The following STK32B variants were observed in gnomAD, a reference collection of about 807,000 sequenced individuals.
STK32B encodes the protein serine/threonine-protein kinase 32B.
STK32B carries 43 observed loss-of-function variants against 52.6 expected under a neutral mutation model. The ratio of observed to expected loss-of-function variants is 0.82; its 90% CI spans 0.64 to 1.05. The LOEUF (loss-of-function observed/expected upper bound fraction) is 1.05, where lower values mean the gene tolerates loss of function less well. Ranked by LOEUF, STK32B falls within the 50% of genes least tolerant of loss-of-function variation. STK32B has a pLI of 0.00. For synonymous variants in STK32B, 238 were observed against 204.3 expected (o/e 1.17, Z -1.41); for missense variants, 621 against 534.6 (o/e 1.16, Z -1.59).
intron 3 of STK32B, among the ~76,000 whole-genome samples, chr4:5,185,231 C>T (rs186037308): frequency 6.6e-6 from 1 of 152,234 alleles, no homozygotes; most frequent in Non-Finnish European, 1.5e-5. Context: ...TTGTTTAAAA[C>T]CGGAGGAGGG....
chr4:5,115,711 T>G (rs1035511573), intron 1 of STK32B, among the ~76,000 whole-genome samples: 1 of 152,164 alleles, frequency 6.6e-6, no homozygotes, highest in Non-Finnish European at 1.5e-5. Flanking sequence ...GAGCTGGTGC[T>G]TTGCTGGTGG....
intron 1 of STK32B, among the ~76,000 whole-genome samples, chr4:5,090,720 A>G (rs961630232): frequency 6.6e-6 from 1 of 151,894 alleles, no homozygotes; most frequent in Admixed American, 6.6e-5. Context: ...CCAGTTTCCA[A>G]TTTTCTGCAT....
At chr4:5,356,396 A>G (rs182289375) in intron 4 of STK32B, among the ~76,000 whole-genome samples, 1 of 152,332 alleles carries the variant, frequency 6.6e-6, no homozygotes, top group Non-Finnish European at 1.5e-5. Flanking sequence ...ATGTCCAAAT[A>G]AGGTCACATT....
At chr4:5,341,672 A>C (rs1000093315) in intron 4 of STK32B, among the ~76,000 whole-genome samples, 4 of 152,202 alleles carry the variant, frequency 2.6e-5, no homozygotes, top group Non-Finnish European at 5.9e-5. Context: ...AAGTTTATAA[A>C]GAAAAGAGGC....
At chr4:5,411,194 C>T (rs544085496) in intron 5 of STK32B, among the ~76,000 whole-genome samples, 1 of 152,174 alleles carries the variant, frequency 6.6e-6, no homozygotes. Context: ...CGCCACCATG[C>T]CCAGCTAATT....
intron 1 of STK32B, among the ~76,000 whole-genome samples, chr4:5,101,363 A>T (rs1359723481): frequency 1.3e-5 from 2 of 152,188 alleles, no homozygotes; most frequent in African/African-American, 4.8e-5. Context: ...TGAAAGAGAG[A>T]GGGGAGGGAG....
intron 3 of STK32B, among the ~76,000 whole-genome samples, chr4:5,195,656 T>C (rs533372899): frequency 1.1e-4 from 16 of 152,286 alleles, no homozygotes; most frequent in Middle Eastern, 6.8e-3. Context: ...TCACGCACTC[T>C]ACTCCAGCCT....
intron 3 of STK32B, among the ~76,000 whole-genome samples, chr4:5,225,411 A>T (rs1008905820): frequency 1.7e-4 from 26 of 152,190 alleles, no homozygotes; most frequent in African/African-American, 2.2e-4. Context: ...CGTCTCGAAA[A>T]AAAATAAAAT....
Position 5,378,392 on chromosome 4 carries a change from G to T in STK32B, c.435-19815G>T, listed in dbSNP as rs558904302. ...TAGAGATTCTGAAGCCCTGTGCCTG[G>T]GTCGTAGCCCTGGACTTTGCATTTT... is the stretch of plus-strand genomic sequence containing the variant. On this transcript the variant is annotated intron_variant, in intron 4 of 11. Coordinates refer to ENST00000282908, the MANE Select transcript of STK32B (RefSeq NM_018401.3). This position sits in a 1 kb window ranked among gnomAD's most constrained non-coding sequence, Gnocchi z 4.4. 6.6e-6 allele frequency among the ~76,000 whole-genome samples: 1 copy of T among 152,264 alleles called. No homozygotes were observed. The highest frequency in any genetic ancestry group is 1.9e-4 in the East Asian group (1 of 5,184).
intron 6 of STK32B, among the ~76,000 whole-genome samples, chr4:5,431,374 T>A (rs979258659): frequency 6.6e-5 from 10 of 152,228 alleles, no homozygotes; most frequent in African/African-American, 2.4e-4. Context: ...TGGTACTGGA[T>A]AAACTAACTT....
intron 2 of STK32B, among the ~76,000 whole-genome samples, chr4:5,161,216 C>A (rs55639125): frequency 0.15 from 22,866 of 152,180 alleles, 2,189 homozygotes; most frequent in Non-Finnish European, 0.21. Flanking sequence ...TTGAGACCAA[C>A]TTTTGATCCC....
At chr4:5,331,484 C>G in intron 4 of STK32B, 91 bp downstream of exon 4, 1 of 1,399,624 alleles carries the variant, frequency 7.1e-7, no homozygotes. Flanking sequence ...AGAATTTTGT[C>G]CTTGACATGG....
intron 7 of STK32B, among the ~76,000 whole-genome samples, chr4:5,455,452 G>A (rs1560428652): frequency 2.0e-5 from 3 of 152,222 alleles, no homozygotes; most frequent in African/African-American, 7.2e-5. Flanking sequence ...CTCCCCTGGC[G>A]GGGTTTTCAG....
chr4:5,415,380 A>G (rs138548907), intron 5 of STK32B, among the ~76,000 whole-genome samples: 87 of 152,294 alleles, frequency 5.7e-4, no homozygotes, highest in African/African-American at 2.1e-3. Flanking sequence ...GCTACTCCCA[A>G]CAAAGCTGAG....
intron 3 of STK32B, among the ~76,000 whole-genome samples, chr4:5,172,252 A>C (rs1464266862): frequency 1.3e-5 from 2 of 152,176 alleles, no homozygotes; most frequent in African/African-American, 4.8e-5. Context: ...TGTCGTCTGC[A>C]AACAGGGACA....
intron 3 of STK32B, among the ~76,000 whole-genome samples, chr4:5,317,573 A>T (rs2108931487): frequency 7.7e-6 from 1 of 130,474 alleles, no homozygotes; most frequent in Non-Finnish European, 1.5e-5. Context: ...TGAAAAAAAT[A>T]TGTAAGGAGG....
At chr4:5,178,642 T>A (rs1462072491) in intron 3 of STK32B, among the ~76,000 whole-genome samples, 1 of 152,266 alleles carries the variant, frequency 6.6e-6, no homozygotes, top group Non-Finnish European at 1.5e-5. Context: ...TAGAAATTTC[T>A]TCTGCCAGAT....
chr4:5,083,235 T>C (rs1346569547), intron 1 of STK32B, among the ~76,000 whole-genome samples: 1 of 152,220 alleles, frequency 6.6e-6, no homozygotes, highest in Non-Finnish European at 1.5e-5. Context: ...AATTTAGCTT[T>C]AGTTAATAGT....
chr4:5,052,959 T>C (rs1316433560), intron 1 of STK32B, among the ~76,000 whole-genome samples: 1 of 152,176 alleles, frequency 6.6e-6, no homozygotes, highest in East Asian at 1.9e-4. Flanking sequence ...TGGTTACTGC[T>C]GGTAAGAAGT....
Sources: allele counts gnomAD v4.1 joint callset (sites outside exome capture counted in the v4.1 genomes callset), GRCh38; gene constraint gnomAD v4.1.1; non-coding constraint Gnocchi (gnomAD v3.1); transcripts MANE v1.5; gene names NCBI Gene and HGNC (gene_info 2026-07-23, HGNC 2026-07-21).